The following CCDC171 variants were observed in gnomAD, a reference collection of about 807,000 sequenced individuals.
The protein encoded by CCDC171 is coiled-coil domain-containing protein 171.
A neutral mutation model predicts 168.2 loss-of-function variants in CCDC171; 177 were observed. The ratio of observed to expected loss-of-function variants is 1.05; its 90% CI spans 0.93 to 1.19. The LOEUF (loss-of-function observed/expected upper bound fraction) is 1.19. CCDC171 is among the 50% of genes most tolerant of loss of function. CCDC171 has a pLI of 0.00. For missense variants in CCDC171, 1,991 were observed against 1,539.0 expected (o/e 1.29, Z -4.91); for synonymous variants, 687 against 540.8 (o/e 1.27, Z -3.75).
chr9:15,756,340 T>G (rs1317519057), intron 18 of CCDC171, among the ~76,000 whole-genome samples: 1 of 152,190 alleles, frequency 6.6e-6, no homozygotes, highest in Non-Finnish European at 1.5e-5. Flanking sequence ...TATTTTTCTA[T>G]CAGCTCACAC....
At chr9:15,594,393 G>GC (rs2042194936) in intron 6 of CCDC171, among the ~76,000 whole-genome samples, 1 of 151,962 alleles carries the variant, frequency 6.6e-6, no homozygotes, top group African/African-American at 2.4e-5. Flanking sequence ...TACCTTATGT[G>GC]ATTTTTAAGA....
chr9:16,001,307 CTT>C (rs761494971), intron 3 of CCDC171, among the ~76,000 whole-genome samples: 2 of 152,224 alleles, frequency 1.3e-5, no homozygotes, highest in African/African-American at 2.4e-5. Flanking sequence ...GCCTCTCTCT[CTT>C]GAAGAAAACA....
At chr9:16,072,886 G>A in the CCDC171 span, among the ~76,000 whole-genome samples, 1 of 152,128 alleles carries the variant, frequency 6.6e-6, no homozygotes, top group Admixed American at 6.5e-5. Flanking sequence ...CCAGATTGTG[G>A]GGTCCTTAAA....
intron 5 of CCDC171, among the ~76,000 whole-genome samples, chr9:15,592,854 C>CT (rs139825526): frequency 6.6e-6 from 1 of 151,756 alleles, no homozygotes; most frequent in Non-Finnish European, 1.5e-5. Context: ...AGGCTATTGG[C>CT]TTTTTTTGTT....
chr9:15,846,574 C>T lies in CCDC171; in HGVS notation c.3268-128C>T, dbSNP rs147893867. 321 of 847,392 alleles carry T rather than the reference C, an allele frequency of 3.8e-4. 1 individual carries two copies. In the African/African-American group the frequency reaches 4.9e-3, roughly 13 times the overall value. 52.5% of individuals were successfully genotyped at this position (847,392 alleles called of 1,614,324 possible). A position where few individuals can be genotyped will look rare whatever the true frequency, so the allele number is the denominator to read the frequency against. On this transcript the variant is annotated intron_variant, in intron 21 of 25. Coordinates refer to ENST00000380701, the MANE Select transcript of CCDC171 (RefSeq NM_173550.4). ...AAATTTTTGCAGAAAATTTGTTAAA[C>T]TTTGATGTGTAATGACCCAAGTCTA...
At chr9:16,098,189 C>A in the CCDC171 span, among the ~76,000 whole-genome samples, 1 of 152,174 alleles carries the variant, frequency 6.6e-6, no homozygotes, top group Non-Finnish European at 1.5e-5. Context: ...CATCGCTGAG[C>A]CTTTTTTCCC....
intron 21 of CCDC171, among the ~76,000 whole-genome samples, chr9:15,789,597 A>G (rs921557468): frequency 2.0e-5 from 3 of 152,120 alleles, no homozygotes; most frequent in African/African-American, 4.8e-5. Flanking sequence ...ATAGATAGAT[A>G]TATTAATCTT....
chr9:15,906,480 T>A (rs1312028979), intron 24 of CCDC171, among the ~76,000 whole-genome samples: 1 of 152,216 alleles, frequency 6.6e-6, no homozygotes, highest in Non-Finnish European at 1.5e-5. Flanking sequence ...CAACGCTTCA[T>A]GCTAAAAACT....
chr9:16,008,623 C>T (rs957012938), intron 3 of CCDC171, among the ~76,000 whole-genome samples: 3 of 152,158 alleles, frequency 2.0e-5, no homozygotes, highest in African/African-American at 7.2e-5. Flanking sequence ...CCTGTTCTTG[C>T]CATTTTGTAA....
At chr9:16,088,836 T>A in the CCDC171 span, among the ~76,000 whole-genome samples, 1 of 152,220 alleles carries the variant, frequency 6.6e-6, no homozygotes, top group East Asian at 1.9e-4. Flanking sequence ...CCATTGATTT[T>A]CTCCACAGAA....
At chr9:15,686,864 C>A (rs2050431412) in intron 10 of CCDC171, among the ~76,000 whole-genome samples, 1 of 152,148 alleles carries the variant, frequency 6.6e-6, no homozygotes, top group South Asian at 2.1e-4. Flanking sequence ...GGAAGAATAT[C>A]ACCAAATAAA....
chr9:15,946,746 C>T (rs552575317), intron 25 of CCDC171, among the ~76,000 whole-genome samples: 26 of 152,126 alleles, frequency 1.7e-4, no homozygotes, highest in African/African-American at 6.0e-4. Flanking sequence ...AAGCTGGAGG[C>T]ATCACACTAC....
intron 24 of CCDC171, among the ~76,000 whole-genome samples, chr9:15,896,633 T>G (rs986579369): frequency 5.9e-5 from 9 of 152,212 alleles, no homozygotes; most frequent in Admixed American, 3.9e-4. Context: ...CAACAAAATT[T>G]TTTCTCTTCT....
At chr9:15,859,905 C>T (rs777881137) in intron 23 of CCDC171, among the ~76,000 whole-genome samples, 1 of 151,804 alleles carries the variant, frequency 6.6e-6, no homozygotes, top group East Asian at 1.9e-4. Context: ...TAGCCTCAAG[C>T]ACTCCTCCCA....
At chr9:15,963,789 C>G (rs1830560137) in intron 25 of CCDC171, among the ~76,000 whole-genome samples, 2 of 152,180 alleles carry the variant, frequency 1.3e-5, no homozygotes, top group Non-Finnish European at 2.9e-5. Context: ...TCTGTTTTCT[C>G]TTTCTTAGTA....
At chr9:15,650,244 T>C (rs2047402064) in intron 7 of CCDC171, among the ~76,000 whole-genome samples, 1 of 152,050 alleles carries the variant, frequency 6.6e-6, no homozygotes, top group African/African-American at 2.4e-5. Context: ...CACCGGGGCC[T>C]GTCGTGGGGT....
intron 7 of CCDC171, among the ~76,000 whole-genome samples, chr9:15,640,262 T>A (rs1481451452): frequency 2.0e-5 from 3 of 152,142 alleles, no homozygotes; most frequent in East Asian, 3.9e-4. Flanking sequence ...CCAAGACCAG[T>A]TGGACTTCCT....
At chr9:15,861,397 A>G (rs59779354) in intron 23 of CCDC171, among the ~76,000 whole-genome samples, 15,102 of 151,784 alleles carry the variant, frequency 0.099, 2,125 homozygotes, top group African/African-American at 0.31. Context: ...TTGGAGTTCC[A>G]GAGCTTTTTG....
In CCDC171 at chr9:15,579,043, T is replaced by A; in HGVS notation, c.352+20T>A. 1 of 1,606,224 alleles carries A rather than the reference T, an allele frequency of 6.2e-7. No homozygotes were observed. Among genetic ancestry groups the A allele is most frequent in the South Asian group, 1.1e-5 (1 of 90,424 alleles). On this transcript the variant is annotated intron_variant, in intron 4 of 25. Transcript: ENST00000380701. ...TCTGTGGTAAGACTGTTTCTATTTCTTCCCAAGTTTAGGGTTGTAACCTGA... is the reference window on the plus strand; with the variant it reads ...TCTGTGGTAAGACTGTTTCTATTTCATCCCAAGTTTAGGGTTGTAACCTGA...
Sources: allele counts gnomAD v4.1 joint callset (sites outside exome capture counted in the v4.1 genomes callset), GRCh38; gene constraint gnomAD v4.1.1; transcripts MANE v1.5; gene names NCBI Gene and HGNC (gene_info 2026-07-23, HGNC 2026-07-21).